Variants in FBLN5 observed in about 807,000 individuals in gnomAD.
FBLN5 encodes the protein fibulin-5.
In FBLN5, 24 loss-of-function variants were observed where a neutral mutation model predicts 61.6. The observed-to-expected ratio is 0.39, with a 90% CI of 0.28 to 0.55. The LOEUF (loss-of-function observed/expected upper bound fraction) is 0.55, where lower values mean the gene tolerates loss of function less well. FBLN5 is among the 20% of genes least tolerant of loss of function. The pLI is 0.65. For missense variants in FBLN5, 470 were observed against 594.1 expected, an observed-to-expected ratio of 0.79 and a Z score of 2.17; for synonymous variants, 213 against 219.8, an observed-to-expected ratio of 0.97 and a Z score of 0.27.
intron 3 of FBLN5, chr14:91,938,205 C>T (rs1408463435): frequency 6.5e-6 from 1 of 152,852 alleles, no homozygotes; most frequent in Non-Finnish European, 1.5e-5. Context: ...GCCTGTAATC[C>T]CAGCACTTTG....
At chr14:91,917,575 C>CAAAAAAAAAAAAAAAAAAA (rs34458933) in intron 4 of FBLN5, among the ~76,000 whole-genome samples, 1 of 63,472 alleles carries the variant, frequency 1.6e-5, no homozygotes, top group East Asian at 5.4e-4. Flanking sequence ...GACTCCATCT[C>CAAAAAAAAAAAAAAAAAAA]AAAAAAAAAA....
chr14:91,883,632 A>T (rs558420584), intron 7 of FBLN5, among the ~76,000 whole-genome samples: 8 of 127,880 alleles, frequency 6.3e-5, no homozygotes, highest in African/African-American at 2.0e-4. Flanking sequence ...AATTATATTA[A>T]AACTTCACTG....
chr14:91,883,658 A>AAAAAAAAC, intron 7 of FBLN5, among the ~76,000 whole-genome samples: 2 of 147,296 alleles, frequency 1.4e-5, no homozygotes, highest in Admixed American at 6.8e-5. Context: ...AAAAAAAAAC[A>AAAAAAAAC]AAAAAAACAC....
intron 4 of FBLN5, among the ~76,000 whole-genome samples, chr14:91,933,612 T>C (rs1220494730): frequency 1.3e-5 from 2 of 152,096 alleles, no homozygotes; most frequent in Non-Finnish European, 1.5e-5. Context: ...TTAGAGATAA[T>C]TCTGAAGTCT....
intron 10 of FBLN5, among the ~76,000 whole-genome samples, chr14:91,875,010 T>C (rs1444341436): frequency 6.6e-6 from 1 of 152,060 alleles, no homozygotes; most frequent in Non-Finnish European, 1.5e-5. Flanking sequence ...AATCTTTTTT[T>C]GTAGAGACAG....
At chr14:91,917,156 A>G (rs1039461879) in intron 4 of FBLN5, among the ~76,000 whole-genome samples, 1 of 152,254 alleles carries the variant, frequency 6.6e-6, no homozygotes, top group African/African-American at 2.4e-5. Flanking sequence ...TGCCCTGAGA[A>G]TGAAGAAGCC....
chr14:91,915,158 T>TAAAAAAATAAAAAATAATAAAAA (rs1555377583), intron 4 of FBLN5, among the ~76,000 whole-genome samples: 3 of 148,616 alleles, frequency 2.0e-5, no homozygotes, highest in African/African-American at 5.0e-5. Flanking sequence ...AGTTTCTGTC[T>TAAAAAAATAAAAAATAATAAAAA]AAAAAAATAA....
chr14:91,874,607 T>C (rs1353639020), intron 10 of FBLN5: 1 of 152,206 alleles, frequency 6.6e-6, no homozygotes, highest in African/African-American at 2.4e-5. Context: ...ATCTGGACGA[T>C]AAAACCATCC....
chr14:91,880,913 A>G (rs2430345), intron 9 of FBLN5, among the ~76,000 whole-genome samples: 109,874 of 152,036 alleles, frequency 0.72, 40,011 homozygotes, highest in East Asian at 0.84. Flanking sequence ...TTTCTTGTAT[A>G]TAGGGATGTG....
At position 91,942,971 on chromosome 14, in the gene FBLN5, T is replaced by G. The variant is rs1344790060; in HGVS notation, c.18-10A>C. Reference sequence around the variant, plus strand: ...GGTAACAGTGAGTATCCTGTGGAGGTGAAAAGTCAAATATAAATGCCCAAG... The same window carrying G: ...GGTAACAGTGAGTATCCTGTGGAGGGGAAAAGTCAAATATAAATGCCCAAG... On this transcript the variant is annotated splice_polypyrimidine_tract_variant and intron_variant, in intron 1 of 10. Transcript: ENST00000342058. 1 of 1,546,984 alleles carries G rather than the reference T, an allele frequency of 6.5e-7. No homozygotes were observed. The highest frequency in any genetic ancestry group is 8.8e-7 in the Non-Finnish European group (1 of 1,140,572).
In FBLN5 at chr14:91,929,140, T is replaced by C. The variant is rs368920099; in HGVS notation, c.379+7807A>G. Among the ~76,000 whole-genome samples, 11 of 151,476 alleles carry C rather than the reference T, an allele frequency of 7.3e-5. No individual in the cohort carries two copies. In the East Asian group the frequency reaches 2.1e-3, roughly 29 times the overall value. Reference sequence around the variant, plus strand: ...CCCACACACACACATGATACAGTGATATAGATACTTGTTTATCAGTGCATT... The same window carrying C: ...CCCACACACACACATGATACAGTGACATAGATACTTGTTTATCAGTGCATT... On this transcript the variant is annotated intron_variant, in intron 4 of 10. Coordinates refer to ENST00000342058, the MANE Select transcript of FBLN5 (RefSeq NM_006329.4).
intron 10 of FBLN5, among the ~76,000 whole-genome samples, chr14:91,872,952 G>C (rs980296725): frequency 4.6e-5 from 7 of 152,348 alleles, no homozygotes; most frequent in East Asian, 3.9e-4. Context: ...AGGGAGAAGG[G>C]GGCAAGTGCA....
At chr14:91,893,510 A>T (rs916169050) in intron 5 of FBLN5, among the ~76,000 whole-genome samples, 1 of 152,234 alleles carries the variant, frequency 6.6e-6, no homozygotes, top group Admixed American at 6.5e-5. Flanking sequence ...CTTTGTTTCC[A>T]TGATTTCGTT....
chr14:91,930,312 G>A (rs1055292671), intron 4 of FBLN5, among the ~76,000 whole-genome samples: 2 of 152,134 alleles, frequency 1.3e-5, no homozygotes, highest in African/African-American at 4.8e-5. Context: ...GAGAAGTGAA[G>A]CCACTTGCCC....
Position 91,886,816 on chromosome 14 carries a change from T to G in FBLN5, c.739+377A>C, listed in dbSNP as rs117702914. 3.2e-3 allele frequency among the ~76,000 whole-genome samples: 491 copies of G among 152,256 alleles called. 1 individual carries two copies. Among genetic ancestry groups the G allele is most frequent in the Admixed American group, 5.6e-3 (85 of 15,296 alleles). ...GATAAGACATGCTATTATTCCTGGG[T>G]CACTGCCCTCTGTAAGTACTTTCTG... On this transcript the variant is annotated intron_variant, in intron 7 of 10. Transcript: ENST00000342058.
At chr14:91,898,796 C>CTTTTTTTTTT (rs35840279) in intron 4 of FBLN5, among the ~76,000 whole-genome samples, 3 of 84,232 alleles carry the variant, frequency 3.6e-5, no homozygotes, top group Non-Finnish European at 6.6e-5. Flanking sequence ...TTCATTCATT[C>CTTTTTTTTTT]TTTTTTTTTT....
At chr14:91,884,936 T>A (rs1889657204) in intron 7 of FBLN5, among the ~76,000 whole-genome samples, 1 of 152,124 alleles carries the variant, frequency 6.6e-6, no homozygotes, top group African/African-American at 2.4e-5. Context: ...GCAGGGAGCA[T>A]GTATTAGGCC....
At position 91,902,408 on chromosome 14, in the gene FBLN5, A is replaced by G. The variant is rs143815125; in HGVS notation, c.380-7336T>C. On this transcript the variant is annotated intron_variant, in intron 4 of 10. Coordinates refer to ENST00000342058, the MANE Select transcript of FBLN5 (RefSeq NM_006329.4). ...TTTTTGCCATTTGTCTATCGACAGA[A>G]ATTTTGGAATCTTTAGAAGCCAGTA... Among the ~76,000 whole-genome samples the G allele has an allele frequency of 4.6e-5, 7 of 152,172 alleles. No homozygotes were observed. The East Asian group carries it at 1.3e-3, about 29-fold the overall frequency.
intron 10 of FBLN5, among the ~76,000 whole-genome samples, chr14:91,876,018 T>C (rs1400611056): frequency 2.0e-5 from 3 of 152,202 alleles, no homozygotes; most frequent in East Asian, 1.9e-4. Context: ...ACTTCTTTGA[T>C]AAAAACTGTA....
Sources: allele counts gnomAD v4.1 joint callset (sites outside exome capture counted in the v4.1 genomes callset), GRCh38; gene constraint gnomAD v4.1.1; transcripts MANE v1.5; gene names NCBI Gene and HGNC (gene_info 2026-07-23, HGNC 2026-07-21).